Variants in MAGI2 observed in about 807,000 individuals in gnomAD.
The protein encoded by MAGI2 is membrane-associated guanylate kinase, WW and PDZ domain-containing protein 2.
A neutral mutation model predicts 133.3 loss-of-function variants in MAGI2; 35 were observed. The ratio of observed to expected loss-of-function variants is 0.26; its 90% CI spans 0.20 to 0.35. The LOEUF (loss-of-function observed/expected upper bound fraction) is 0.35, where lower values mean the gene tolerates loss of function less well. Among genes scored for constraint, MAGI2 ranks in the 10% least tolerant of loss-of-function variants. The pLI, the probability that MAGI2 is intolerant of heterozygous loss-of-function variation, is 1.00. For missense variants in MAGI2, 1,636 were observed against 1,863.4 expected (o/e 0.88, Z 2.25); for synonymous variants, 729 against 710.6 (o/e 1.03, Z -0.41).
At chr7:78,098,119 A>G (rs1202895280) in intron 20 of MAGI2, among the ~76,000 whole-genome samples, 1 of 152,158 alleles carries the variant, frequency 6.6e-6, no homozygotes, top group African/African-American at 2.4e-5. Flanking sequence ...TTAGGTTAAT[A>G]TTGTGAGAGA....
At chr7:78,567,840 A>G (rs144253740) in intron 3 of MAGI2, 1 of 152,210 alleles carries the variant, frequency 6.6e-6, no homozygotes, top group Non-Finnish European at 1.5e-5. Context: ...AAAACTCCCT[A>G]TGGGAAGTCC....
chr7:78,585,818 A>T (rs893601146), intron 3 of MAGI2, among the ~76,000 whole-genome samples: 1 of 152,196 alleles, frequency 6.6e-6, no homozygotes, highest in Non-Finnish European at 1.5e-5. Flanking sequence ...GGGTGGGGTT[A>T]CTTTACAGTC....
At chr7:78,040,217 A>C (rs1584916568) in intron 21 of MAGI2, among the ~76,000 whole-genome samples, 1 of 152,130 alleles carries the variant, frequency 6.6e-6, no homozygotes, top group Admixed American at 6.5e-5. Flanking sequence ...CTATTTTTGT[A>C]TGTCTTTTCC....
At chr7:78,841,666 A>G (rs1287693330) in intron 2 of MAGI2, among the ~76,000 whole-genome samples, 1 of 151,986 alleles carries the variant, frequency 6.6e-6, no homozygotes, top group Non-Finnish European at 1.5e-5. Context: ...ACACAAAACT[A>G]AACATTATGA....
At chr7:78,294,209 AG>A (rs1251520486) in intron 9 of MAGI2, among the ~76,000 whole-genome samples, 21 of 152,046 alleles carry the variant, frequency 1.4e-4, no homozygotes, top group Admixed American at 3.9e-4. Context: ...ACTTCCAGTG[AG>A]GGAGATACTG....
chr7:78,191,873 T>C (rs1358721521), intron 12 of MAGI2, among the ~76,000 whole-genome samples: 2 of 152,208 alleles, frequency 1.3e-5, no homozygotes, highest in African/African-American at 4.8e-5. Context: ...CACATTAAAA[T>C]GTCAGCATAA....
intron 3 of MAGI2, among the ~76,000 whole-genome samples, chr7:78,585,158 T>C (rs1470408231): frequency 2.6e-5 from 4 of 152,158 alleles, no homozygotes; most frequent in Admixed American, 2.6e-4. Flanking sequence ...TTTTTGTATA[T>C]AGTTTGGCCT....
intron 3 of MAGI2, among the ~76,000 whole-genome samples, chr7:78,586,616 C>A (rs57630778): frequency 0.016 from 2,477 of 152,150 alleles, 59 homozygotes; most frequent in African/African-American, 0.053. Flanking sequence ...TTTAAGTATA[C>A]TATTCAGTGA....
intron 21 of MAGI2, among the ~76,000 whole-genome samples, chr7:78,045,579 T>C (rs780171195): frequency 6.6e-5 from 10 of 152,204 alleles, no homozygotes; most frequent in Non-Finnish European, 1.3e-4. Context: ...AAATACATCT[T>C]TGAGAAAAAG....
intron 2 of MAGI2, among the ~76,000 whole-genome samples, chr7:78,931,729 C>T (rs1584429695): frequency 6.6e-6 from 1 of 152,112 alleles, no homozygotes; most frequent in African/African-American, 2.4e-5. Flanking sequence ...AGAAGAATTA[C>T]TCCTACACCA....
intron 1 of MAGI2, among the ~76,000 whole-genome samples, chr7:79,020,068 C>G (rs1809140516): frequency 6.6e-6 from 1 of 152,164 alleles, no homozygotes; most frequent in Non-Finnish European, 1.5e-5. Flanking sequence ...GACCAAAATA[C>G]TGATAGTGAT....
At chr7:79,187,261 C>A (rs1008716478) in intron 1 of MAGI2, among the ~76,000 whole-genome samples, 2 of 151,338 alleles carry the variant, frequency 1.3e-5, no homozygotes, top group African/African-American at 4.9e-5. Context: ...TTAAATTTAA[C>A]CTTATAATTC....
chr7:79,365,694 C>T (rs999393796), intron 1 of MAGI2, among the ~76,000 whole-genome samples: 4 of 151,432 alleles, frequency 2.6e-5, no homozygotes, highest in African/African-American at 7.3e-5. Flanking sequence ...CCTGTCTCTA[C>T]TAAAAATACA....
chr7:78,158,532 T>A (rs1824627745), intron 16 of MAGI2, among the ~76,000 whole-genome samples: 1 of 152,034 alleles, frequency 6.6e-6, no homozygotes, highest in East Asian at 1.9e-4. Flanking sequence ...CAGGGGAGGG[T>A]GAAACTGCCT....
chr7:78,729,950 G>C, intron 2 of MAGI2, among the ~76,000 whole-genome samples: 1 of 152,046 alleles, frequency 6.6e-6, no homozygotes, highest in East Asian at 1.9e-4. Context: ...TGAGTTTGAG[G>C]AGCAGATTTA....
At chr7:78,790,967 T>C (rs989002655) in intron 2 of MAGI2, among the ~76,000 whole-genome samples, 11 of 152,110 alleles carry the variant, frequency 7.2e-5, no homozygotes, top group African/African-American at 2.7e-4. Context: ...GATGTCTGAC[T>C]CCAAATAATA....
At chr7:78,891,101 T>A (rs1796711192) in intron 2 of MAGI2, among the ~76,000 whole-genome samples, 1 of 152,136 alleles carries the variant, frequency 6.6e-6, no homozygotes, top group Non-Finnish European at 1.5e-5. Context: ...TATAAACACC[T>A]CTATGCAAAT....
intron 5 of MAGI2, among the ~76,000 whole-genome samples, chr7:78,491,051 C>T (rs868726088): frequency 6.6e-6 from 1 of 152,070 alleles, no homozygotes; most frequent in Non-Finnish European, 1.5e-5. Context: ...ATAAATTTCA[C>T]ATGTATTCTC....
intron 6 of MAGI2, among the ~76,000 whole-genome samples, chr7:78,378,792 A>G (rs1794675154): frequency 6.6e-6 from 1 of 152,046 alleles, no homozygotes; most frequent in Non-Finnish European, 1.5e-5. Context: ...CAACACATTT[A>G]ATTGTAGATC....
Sources: allele counts gnomAD v4.1 joint callset (sites outside exome capture counted in the v4.1 genomes callset), GRCh38; gene constraint gnomAD v4.1.1; transcripts MANE v1.5; gene names NCBI Gene and HGNC (gene_info 2026-07-23, HGNC 2026-07-21).